The following NBPF15 variants were observed in gnomAD, a reference collection of about 807,000 sequenced individuals.
The protein encoded by NBPF15 is NBPF member 15, also known as NBPF family member NBPF15.
Under a neutral mutation model 62.2 loss-of-function variants are expected in NBPF15, and 74 were observed. The ratio of observed to expected loss-of-function variants is 1.19; its 90% CI spans 0.99 to 1.44. The LOEUF (loss-of-function observed/expected upper bound fraction) is 1.44, where lower values mean the gene tolerates loss of function less well. Ranked by LOEUF, NBPF15 falls within the 40% of genes most tolerant of loss-of-function variation. NBPF15 has a pLI of 0.00. For missense variants in NBPF15, 790 were observed against 550.0 expected (o/e 1.44, Z -4.36); for synonymous variants, 244 against 209.7 (o/e 1.16, Z -1.41).
intron 21 of NBPF15, 74 bp from the exon 22 acceptor site, chr1:144,423,330 G>C: frequency 1.2e-6 from 2 of 1,610,406 alleles, no homozygotes; most frequent in Non-Finnish European, 1.7e-6. Context: ...GATTTCAGAA[G>C]TAATATAAGG....
intron 16 of NBPF15, 124 bp from the exon 17 acceptor site, chr1:144,427,222 G>A: frequency 1.5e-6 from 1 of 681,898 alleles, no homozygotes; most frequent in Non-Finnish European, 2.6e-6. Context: ...CACTGTGAGA[G>A]ATATTCTTCA....
intron 3 of NBPF15, among the ~76,000 whole-genome samples, chr1:144,458,063 G>T (rs1446981680): frequency 6.6e-6 from 1 of 151,538 alleles, no homozygotes; most frequent in Non-Finnish European, 1.5e-5. Flanking sequence ...CTCCAGCCTG[G>T]GCAACAGAGC....
At position 144,422,926 on chromosome 1, in the gene NBPF15, C is replaced by A. The variant is rs1460428391; in HGVS notation, c.*87G>T. The A allele has an allele frequency of 5.6e-5, 91 of 1,610,930 alleles. No individual in the cohort carries two copies. Among genetic ancestry groups the A allele is most frequent in the Non-Finnish European group, 9.3e-6 (11 of 1,179,398 alleles). The stretch of plus-strand genomic sequence containing the variant: ...CTGACCCATCCTATGTCTGGGCTTC[C>A]AAATGGAACTGTACTTTCATTCAAA... On this transcript the variant is annotated 3_prime_UTR_variant, in exon 22 of 22. Coordinates refer to ENST00000581897, the MANE Select transcript of NBPF15 (RefSeq NM_001385408.1).
chr1:144,423,248 C>G lies in NBPF15; in HGVS notation c.1778G>C (p.Gly593Ala). ...AGGCTCTTCCACTTCCATCAGCACG[C>G]CGTAGAGCCTGGAAAAGGAGACAAA... The part of the protein sequence containing the change: ...DDNPPCPRLY[G>A]VLMEVEEPEV... Residue 593 changes from glycine (G) to alanine (A), a missense_variant, in exon 22 of 22, where the codon GGC becomes GCC. By Grantham distance (60) the Gly-to-Ala change is moderately conservative. Coordinates refer to ENST00000581897, the MANE Select transcript of NBPF15 (RefSeq NM_001385408.1). 1 of 1,611,350 alleles carries G rather than the reference C, an allele frequency of 6.2e-7. No individual in the cohort carries two copies. The highest frequency in any genetic ancestry group is 2.2e-5 in the East Asian group (1 of 44,860).
chr1:144,437,776 T>A (rs1252216732), intron 9 of NBPF15, among the ~76,000 whole-genome samples, 169 bp downstream of exon 9: 1 of 151,944 alleles, frequency 6.6e-6, no homozygotes, highest in Non-Finnish European at 1.5e-5. Context: ...CCCATACATT[T>A]TTATTATCCT....
chr1:144,433,094 C>G (rs1204147744), intron 13 of NBPF15, among the ~76,000 whole-genome samples: 1 of 151,824 alleles, frequency 6.6e-6, no homozygotes. Context: ...ATGGAAATCA[C>G]AACAAACTGT....
At chr1:144,432,457 A>T (rs9438163) in intron 13 of NBPF15, among the ~76,000 whole-genome samples, 2 of 151,884 alleles carry the variant, frequency 1.3e-5, no homozygotes, top group Admixed American at 1.3e-4. Flanking sequence ...CACACATAAC[A>T]ATATTAACCT....
Position 144,461,451 on chromosome 1 carries a change from C to G in NBPF15, c.-1008G>C, listed in dbSNP as rs1244462348. On this transcript the variant is annotated 5_prime_UTR_variant, in exon 1 of 22. Coordinates refer to ENST00000581897, the MANE Select transcript of NBPF15 (RefSeq NM_001385408.1). ...TGGACTTCGCTGTAAACCGTAACTT[C>G]CCATCCAGACGGCATCCGTGCGCCA... is the stretch of plus-strand genomic sequence containing the variant. 2 of 152,286 alleles carry G rather than the reference C, an allele frequency of 1.3e-5. No homozygotes were observed. The highest frequency in any genetic ancestry group is 2.9e-5 in the Non-Finnish European group (2 of 68,192). The allele number at this position is 152,286 out of a possible 1,614,324, so 9.4% of individuals were successfully genotyped here.
intron 17 of NBPF15, 59 bp from the exon 18 acceptor site, chr1:144,426,509 C>A: frequency 1.3e-6 from 1 of 782,658 alleles, no homozygotes; most frequent in Non-Finnish European, 2.4e-6. Flanking sequence ...CACACAGCCC[C>A]AGCTAGATTT....
chr1:144,453,908 T>TA, intron 4 of NBPF15, among the ~76,000 whole-genome samples: 1 of 133,208 alleles, frequency 7.5e-6, no homozygotes, highest in Non-Finnish European at 1.6e-5. Flanking sequence ...ACAACTTAAG[T>TA]TCATTCAAAA....
At chr1:144,427,191 C>A in intron 16 of NBPF15, 93 bp from the exon 17 acceptor site, 1 of 630,174 alleles carries the variant, frequency 1.6e-6, no homozygotes, top group Admixed American at 2.5e-5. Context: ...GGACTTCAGG[C>A]TCCTCAGCAT....
intron 6 of NBPF15, among the ~76,000 whole-genome samples, chr1:144,447,928 C>A (rs1688727401): frequency 3.3e-5 from 5 of 152,032 alleles, no homozygotes; most frequent in Admixed American, 3.3e-4. Context: ...GAGATGCTCA[C>A]AGAGAACCAC....
At chr1:144,440,118 A>T (rs1681709715) in intron 7 of NBPF15, 23 bp downstream of exon 7, 48 of 1,582,002 alleles carry the variant, frequency 3.0e-5, no homozygotes, top group South Asian at 2.0e-4. Flanking sequence ...GAGGGATGTA[A>T]GTAACTGAAA....
intron 4 of NBPF15, among the ~76,000 whole-genome samples, chr1:144,453,769 G>A (rs1181777399): frequency 2.1e-5 from 3 of 143,044 alleles, no homozygotes; most frequent in African/African-American, 7.8e-5. Flanking sequence ...TTAAAACAAC[G>A]AGATATCACT....
intron 4 of NBPF15, among the ~76,000 whole-genome samples, chr1:144,456,113 C>T (rs1279302565): frequency 1.3e-5 from 2 of 151,576 alleles, no homozygotes; most frequent in Non-Finnish European, 2.9e-5. Flanking sequence ...CAGTGCAGGG[C>T]CTTAGCCTGG....
At chr1:144,460,210 CTT>C (rs1216086445) in intron 2 of NBPF15, among the ~76,000 whole-genome samples, 2 of 119,056 alleles carry the variant, frequency 1.7e-5, no homozygotes, top group African/African-American at 6.7e-5. Context: ...ACACAGCTAA[CTT>C]TTGTAATTTT....
Position 144,461,426 on chromosome 1 carries a change from T to C in NBPF15, c.-983A>G, listed in dbSNP as rs587672940. ...GCGCCTTCACCTCGGAAACGCTGGG[T>C]GGACTTCGCTGTAAACCGTAACTTC... On this transcript the variant is annotated 5_prime_UTR_variant, in exon 1 of 22. Transcript: ENST00000581897. 3 of 151,998 alleles carry C rather than the reference T, an allele frequency of 2.0e-5. No individual in the cohort carries two copies. The highest frequency in any genetic ancestry group is 2.9e-5 in the Non-Finnish European group (2 of 68,044). 9.4% of individuals were successfully genotyped at this position (151,998 alleles called of 1,614,324 possible).
chr1:144,425,111 C>A (rs1668784426), intron 19 of NBPF15, among the ~76,000 whole-genome samples: 1 of 147,618 alleles, frequency 6.8e-6, no homozygotes, highest in Non-Finnish European at 1.5e-5. Flanking sequence ...CACAGACACA[C>A]ACACACAGAG....
At position 144,434,458 on chromosome 1, in the gene NBPF15, G is replaced by A. The variant is rs1282251445; in HGVS notation, c.773-634C>T. ...AGAGGTTGCACCAAGCCAAGATGGT[G>A]CCACTGCACTCCAGCCTGGGTGACA... is the stretch of plus-strand genomic sequence containing the variant. On this transcript the variant is annotated intron_variant, in intron 12 of 21. Transcript: ENST00000581897. 2.7e-5 allele frequency among the ~76,000 whole-genome samples: 4 copies of A among 146,376 alleles called. No homozygotes were observed. The East Asian group carries it at 6.1e-4, about 22-fold the overall frequency.
Sources: gnomAD v4.1 joint callset for allele counts (sites outside exome capture counted in the v4.1 genomes callset) on GRCh38, gnomAD v4.1.1 for gene constraint, MANE v1.5 for transcripts, NCBI Gene and HGNC (gene_info 2026-07-23, HGNC 2026-07-21) for gene names.